Variants in SKAP1 observed in about 807,000 individuals in gnomAD.
SKAP1 encodes src kinase-associated phosphoprotein 1.
Under a neutral mutation model 58.5 loss-of-function variants are expected in SKAP1, and 44 were observed. That is an observed-to-expected ratio of 0.75 (90% CI 0.59 to 0.97). The LOEUF is 0.97. Among genes scored for constraint, SKAP1 ranks in the 50% least tolerant of loss-of-function variants. SKAP1 has a pLI of 0.00. For missense variants in SKAP1, 390 were observed against 435.2 expected (o/e 0.90, Z 0.92); for synonymous variants, 127 against 149.7 (o/e 0.85, Z 1.11).
At chr17:48,154,324 C>T (rs370797947) in intron 11 of SKAP1, among the ~76,000 whole-genome samples, 37 of 152,320 alleles carry the variant, frequency 2.4e-4, no homozygotes, top group African/African-American at 8.7e-4. Flanking sequence ...GACAGCATCA[C>T]GTGTTCCACG....
At position 48,182,463 on chromosome 17, in the gene SKAP1, GA is replaced by G; in HGVS notation, c.568-7del. ...GCTGGACTAGTAGCTGTAAACTAGA[GA>G]AAAATCAGTGAATTAATTTATCACT... On this transcript the variant is annotated splice_polypyrimidine_tract_variant and splice_region_variant and intron_variant, in intron 7 of 12. Coordinates refer to ENST00000336915, the MANE Select transcript of SKAP1 (RefSeq NM_003726.4). 6.3e-7 allele frequency: 1 copy of G among 1,597,414 alleles called. No homozygotes were observed. Among genetic ancestry groups the G allele is most frequent in the Non-Finnish European group, 8.6e-7 (1 of 1,169,320 alleles).
intron 1 of SKAP1, among the ~76,000 whole-genome samples, chr17:48,398,759 C>T (rs535747868): frequency 7.9e-5 from 12 of 152,086 alleles, no homozygotes; most frequent in Non-Finnish European, 1.5e-4. Flanking sequence ...GGGTGGCTCA[C>T]GCCTGTAATC....
At chr17:48,155,916 C>T (rs2063970857) in intron 11 of SKAP1, among the ~76,000 whole-genome samples, 1 of 152,228 alleles carries the variant, frequency 6.6e-6, no homozygotes, top group African/African-American at 2.4e-5. Context: ...GTCTTGCAAT[C>T]TGCAGATAAA....
intron 4 of SKAP1, among the ~76,000 whole-genome samples, chr17:48,216,996 A>G (rs1489077042): frequency 6.6e-6 from 1 of 152,206 alleles, no homozygotes; most frequent in Non-Finnish European, 1.5e-5. Flanking sequence ...GGGGGAATAT[A>G]AGAAAGAAGT....
chr17:48,369,238 C>T (rs1158576321), intron 2 of SKAP1, among the ~76,000 whole-genome samples: 9 of 151,770 alleles, frequency 5.9e-5, no homozygotes, highest in Admixed American at 5.9e-4. Context: ...CACCTGTAAT[C>T]CAAGCACTAA....
intron 7 of SKAP1, among the ~76,000 whole-genome samples, chr17:48,183,951 T>C (rs1038327510): frequency 3.9e-5 from 6 of 152,172 alleles, no homozygotes; most frequent in Non-Finnish European, 8.8e-5. Context: ...TCTAAATTGC[T>C]TTAATAAAAT....
rs559934728 is a variant in SKAP1, at chr17:48,143,028, G to A, written c.979-5691C>T. On this transcript the variant is annotated intron_variant, in intron 11 of 12. Transcript: ENST00000336915. ...GATGGGGTCTCCCTATGTTGCCCAG[G>A]CTGGTCCTGAACTCCTGGGTTCAAG... Among the ~76,000 whole-genome samples, 6 of 149,446 alleles carry A rather than the reference G, an allele frequency of 4.0e-5. No homozygotes were observed. The South Asian group carries it at 8.6e-4, about 21-fold the overall frequency.
intron 10 of SKAP1, among the ~76,000 whole-genome samples, chr17:48,165,677 G>A (rs2064130314): frequency 1.3e-5 from 2 of 152,134 alleles, no homozygotes; most frequent in East Asian, 3.9e-4. Flanking sequence ...TGGGATTACA[G>A]GCATGAACCA....
intron 1 of SKAP1, among the ~76,000 whole-genome samples, chr17:48,429,167 G>C (rs1228570186): frequency 6.6e-6 from 1 of 152,192 alleles, no homozygotes; most frequent in African/African-American, 2.4e-5. Context: ...GATGCCAAAA[G>C]GCTTAATTCT....
At chr17:48,255,437 T>C (rs2065412791) in intron 4 of SKAP1, among the ~76,000 whole-genome samples, 1 of 150,066 alleles carries the variant, frequency 6.7e-6, no homozygotes, top group South Asian at 2.1e-4. Context: ...TGTATATATA[T>C]ATATTTACAT....
the SKAP1 span, among the ~76,000 whole-genome samples, chr17:48,442,092 A>C: frequency 6.6e-6 from 1 of 152,122 alleles, no homozygotes; most frequent in African/African-American, 2.4e-5. Context: ...AGTTCCTTTT[A>C]GTGTTTTAAG....
chr17:48,163,238 A>G (rs563766978), intron 10 of SKAP1, among the ~76,000 whole-genome samples: 1 of 152,314 alleles, frequency 6.6e-6, no homozygotes, highest in East Asian at 1.9e-4. Context: ...ATGTCTGCCA[A>G]GATTTATCTG....
chr17:48,197,046 C>T (rs1011718754), intron 4 of SKAP1, among the ~76,000 whole-genome samples: 3 of 152,152 alleles, frequency 2.0e-5, no homozygotes, highest in Admixed American at 6.5e-5. Flanking sequence ...ATCACGAGGT[C>T]GGGAGTTTAA....
At chr17:48,347,258 T>C (rs902619654) in intron 3 of SKAP1, among the ~76,000 whole-genome samples, 16 of 152,208 alleles carry the variant, frequency 1.1e-4, no homozygotes, top group Admixed American at 4.6e-4. Flanking sequence ...GAATTTAATA[T>C]TATCTCAAAT....
chr17:48,216,129 C>G (rs959678329), intron 4 of SKAP1, among the ~76,000 whole-genome samples: 3 of 152,188 alleles, frequency 2.0e-5, no homozygotes, highest in Non-Finnish European at 2.9e-5. Context: ...GAGGGGAAAC[C>G]TGCAGAGGGA....
chr17:48,151,302 T>C (rs1376244050), intron 11 of SKAP1, among the ~76,000 whole-genome samples: 1 of 152,236 alleles, frequency 6.6e-6, no homozygotes, highest in African/African-American at 2.4e-5. Flanking sequence ...TACATAGCTA[T>C]AGCGTAAATG....
In SKAP1 at chr17:48,313,166, G is replaced by T. The variant is rs549826303; in HGVS notation, c.280+32739C>A. Among the ~76,000 whole-genome samples, 7 of 151,732 alleles carry T rather than the reference G, an allele frequency of 4.6e-5. No individual in the cohort carries two copies. In the South Asian group the frequency reaches 1.0e-3, roughly 23 times the overall value. ...GGGCGGTGGGGGGGTGGGAGGGCGC[G>T]GCTGGTGTGAACAGGAACCGAACCT... On this transcript the variant is annotated intron_variant, in intron 4 of 12. Coordinates refer to ENST00000336915, the MANE Select transcript of SKAP1 (RefSeq NM_003726.4).
intron 4 of SKAP1, among the ~76,000 whole-genome samples, chr17:48,251,571 T>A (rs2143877848): frequency 6.6e-6 from 1 of 152,348 alleles, no homozygotes; most frequent in African/African-American, 2.4e-5. Flanking sequence ...AATGACTTTT[T>A]AAGGTCCATC....
intron 4 of SKAP1, among the ~76,000 whole-genome samples, chr17:48,201,556 T>G (rs2064728439): frequency 1.3e-5 from 2 of 152,084 alleles, no homozygotes; most frequent in Non-Finnish European, 2.9e-5. Context: ...GCTAATTTAT[T>G]TCTTATTTTT....
Sources: allele counts gnomAD v4.1 joint callset (sites outside exome capture counted in the v4.1 genomes callset), GRCh38; gene constraint gnomAD v4.1.1; transcripts MANE v1.5; gene names NCBI Gene and HGNC (gene_info 2026-07-23, HGNC 2026-07-21).